The following FHIT variants were observed in gnomAD, a reference collection of about 807,000 sequenced individuals.
FHIT encodes fragile histidine triad diadenosine triphosphatase.
Under a neutral mutation model 17.9 loss-of-function variants are expected in FHIT, and 19 were observed. That is an observed-to-expected ratio of 1.06 (90% CI 0.74 to 1.56). The LOEUF (loss-of-function observed/expected upper bound fraction) is 1.56, where lower values mean the gene tolerates loss of function less well. FHIT is among the 40% of genes most tolerant of loss of function. FHIT has a pLI of 0.00. For missense variants in FHIT, 248 were observed against 189.2 expected, an observed-to-expected ratio of 1.31 and a Z score of -1.82; for synonymous variants, 81 against 69.7, an observed-to-expected ratio of 1.16 and a Z score of -0.81.
At chr3:60,056,270 T>C (rs1402540161) in intron 5 of FHIT, among the ~76,000 whole-genome samples, 1 of 152,208 alleles carries the variant, frequency 6.6e-6, no homozygotes, top group Non-Finnish European at 1.5e-5. Flanking sequence ...CCCAGAAATT[T>C]TGGTGTAGAT....
intron 5 of FHIT, among the ~76,000 whole-genome samples, chr3:60,159,868 C>G: frequency 6.6e-6 from 1 of 152,154 alleles, no homozygotes; most frequent in East Asian, 1.9e-4. Context: ...CATTGCCTCA[C>G]ACTCAACAGC....
chr3:59,858,501 C>T (rs373311546), intron 8 of FHIT, among the ~76,000 whole-genome samples: 4 of 152,162 alleles, frequency 2.6e-5, no homozygotes, highest in African/African-American at 9.6e-5. Flanking sequence ...GCTGGGATTA[C>T]AGGTGTGAGC....
chr3:60,688,426 G>GTTTTTTTTTTGT (rs2040908609), intron 4 of FHIT, among the ~76,000 whole-genome samples: 2 of 133,526 alleles, frequency 1.5e-5, no homozygotes, highest in South Asian at 4.9e-4. Context: ...TATGTTTTGT[G>GTTTTTTTTTTGT]TTTTTTTTTT....
chr3:60,229,835 A>C (rs1704406007), intron 5 of FHIT, among the ~76,000 whole-genome samples: 1 of 152,286 alleles, frequency 6.6e-6, no homozygotes, highest in East Asian at 1.9e-4. Flanking sequence ...TTTTAAAGTT[A>C]GCCAGGCATG....
chr3:60,672,667 C>A (rs1553694249), intron 4 of FHIT, among the ~76,000 whole-genome samples: 1 of 152,168 alleles, frequency 6.6e-6, no homozygotes, highest in Non-Finnish European at 1.5e-5. Flanking sequence ...TCCATATTGA[C>A]AATCTATGAC....
chr3:60,536,536 T>G (rs1337106759), intron 5 of FHIT: 4 of 228,736 alleles, frequency 1.7e-5, no homozygotes, highest in Non-Finnish European at 3.4e-5. Context: ...TGATATTCAC[T>G]GGGCTCATTT....
At chr3:61,108,647 T>TG (rs2036062374) in intron 2 of FHIT, among the ~76,000 whole-genome samples, 1 of 152,198 alleles carries the variant, frequency 6.6e-6, no homozygotes, top group Admixed American at 6.5e-5. Context: ...GTCTGATCTT[T>TG]GGGCCAGTGG....
At chr3:60,321,370 G>A (rs1007472701) in intron 5 of FHIT, among the ~76,000 whole-genome samples, 5 of 152,116 alleles carry the variant, frequency 3.3e-5, no homozygotes, top group East Asian at 1.9e-4. Context: ...CAGCTACTCA[G>A]TAGGCTGAGA....
intron 5 of FHIT, among the ~76,000 whole-genome samples, chr3:60,019,099 T>G (rs781516900): frequency 4.6e-5 from 7 of 152,184 alleles, no homozygotes; most frequent in African/African-American, 7.2e-5. Context: ...AGATGGAAGG[T>G]AGGCTGGAGT....
intron 8 of FHIT, among the ~76,000 whole-genome samples, chr3:59,888,367 G>T (rs1410691629): frequency 6.6e-6 from 1 of 152,184 alleles, no homozygotes; most frequent in Non-Finnish European, 1.5e-5. Context: ...TACATTGCAT[G>T]TGATACTGAA....
chr3:60,955,635 C>CATATATATATATATATATATATATACAT (rs1553778580), intron 3 of FHIT, among the ~76,000 whole-genome samples: 13 of 48,318 alleles, frequency 2.7e-4, no homozygotes, highest in Non-Finnish European at 4.4e-4. Context: ...TATATATATA[C>CATATATATATATATATATATATATACAT]ACACACACAC....
At chr3:60,207,173 T>C (rs962783855) in intron 5 of FHIT, among the ~76,000 whole-genome samples, 4 of 151,890 alleles carry the variant, frequency 2.6e-5, no homozygotes, top group Middle Eastern at 3.2e-3. Flanking sequence ...AGTGTGCGTG[T>C]GTGTGTGTGT....
chr3:60,389,853 A>G (rs1701153180), intron 5 of FHIT, among the ~76,000 whole-genome samples: 1 of 152,152 alleles, frequency 6.6e-6, no homozygotes. Flanking sequence ...CCTGCATCAT[A>G]TATAAACCAC....
intron 5 of FHIT, among the ~76,000 whole-genome samples, chr3:60,465,098 GT>G (rs2032710922): frequency 6.6e-6 from 1 of 152,006 alleles, no homozygotes; most frequent in Non-Finnish European, 1.5e-5. Context: ...TATTACTGTA[GT>G]TTTGATTTGC....
chr3:60,379,168 T>G (rs1700701244), intron 5 of FHIT, among the ~76,000 whole-genome samples: 1 of 152,220 alleles, frequency 6.6e-6, no homozygotes, highest in Admixed American at 6.5e-5. Flanking sequence ...TTCAAGATTT[T>G]ATCATAATAT....
chr3:59,923,501 G>A (rs997631651), intron 7 of FHIT, among the ~76,000 whole-genome samples: 3 of 152,032 alleles, frequency 2.0e-5, no homozygotes, highest in African/African-American at 7.3e-5. Flanking sequence ...GGTGAATCAG[G>A]GCTCAGAGCA....
intron 5 of FHIT, among the ~76,000 whole-genome samples, chr3:60,362,377 C>G (rs1576539104): frequency 6.6e-6 from 1 of 152,192 alleles, no homozygotes; most frequent in East Asian, 1.9e-4. Context: ...AACATGAAGG[C>G]TTTTCTGTTC....
intron 5 of FHIT, among the ~76,000 whole-genome samples, chr3:60,156,668 C>A (rs1379240642): frequency 6.6e-6 from 1 of 152,132 alleles, no homozygotes; most frequent in African/African-American, 2.4e-5. Flanking sequence ...GAGAGGATTA[C>A]TTGAGCCTAA....
intron 2 of FHIT, among the ~76,000 whole-genome samples, chr3:61,044,353 C>T (rs908395953): frequency 2.0e-5 from 3 of 152,136 alleles, no homozygotes; most frequent in African/African-American, 7.2e-5. Context: ...TTTCGGTAGC[C>T]AATTCGATCA....
Sources: allele counts gnomAD v4.1 joint callset (sites outside exome capture counted in the v4.1 genomes callset), GRCh38; gene constraint gnomAD v4.1.1; transcripts MANE v1.5; gene names NCBI Gene and HGNC (gene_info 2026-07-23, HGNC 2026-07-21).